The following SYT7 variants were observed in gnomAD, a reference collection of about 807,000 sequenced individuals.
SYT7 encodes synaptotagmin-7.
A neutral mutation model predicts 75.1 loss-of-function variants in SYT7; 29 were observed. That is an observed-to-expected ratio of 0.39 (90% CI 0.29 to 0.53). The LOEUF (loss-of-function observed/expected upper bound fraction) is 0.53, where lower values mean the gene tolerates loss of function less well. SYT7 is among the 20% of genes least tolerant of loss of function. The pLI, the probability that SYT7 is intolerant of heterozygous loss-of-function variation, is 0.77. For synonymous variants in SYT7, 376 were observed against 401.7 expected, an observed-to-expected ratio of 0.94 and a Z score of 0.76; for missense variants, 693 against 953.2, an observed-to-expected ratio of 0.73 and a Z score of 3.59.
At chr11:61,539,281 C>T (rs1388872795) in intron 6 of SYT7, among the ~76,000 whole-genome samples, 3 of 152,064 alleles carry the variant, frequency 2.0e-5, no homozygotes, top group African/African-American at 2.4e-5. Context: ...TGTGGGCAGC[C>T]GTATGAGGCC....
intron 1 of SYT7, among the ~76,000 whole-genome samples, chr11:61,569,702 G>C (rs2063868518): frequency 6.6e-6 from 1 of 152,148 alleles, no homozygotes; most frequent in South Asian, 2.1e-4. Context: ...AAGACTCCAG[G>C]AAAGGGAAGG....
intron 7 of SYT7, chr11:61,533,525 G>T (rs908254923): frequency 3.0e-6 from 3 of 985,442 alleles, no homozygotes; most frequent in South Asian, 9.4e-5. Context: ...CTCCACCGTG[G>T]TGTGGTGTGT....
intron 12 of SYT7, among the ~76,000 whole-genome samples, chr11:61,518,960 C>T (rs947257793): frequency 2.0e-5 from 3 of 152,218 alleles, no homozygotes; most frequent in Non-Finnish European, 2.9e-5. Context: ...CACGCCAGGC[C>T]TCTCGGAATT....
chr11:61,545,995 T>C lies in SYT7; in HGVS notation c.572+36A>G, dbSNP rs754553557. The C allele has an allele frequency of 4.6e-6, 7 of 1,514,538 alleles. No homozygotes were observed. The South Asian group carries it at 8.4e-5, about 18-fold the overall frequency. 93.8% of individuals were successfully genotyped at this position (1,514,538 alleles called of 1,614,324 possible). ...CCACCCTGGCAGGGCAGGCCTGAGC[T>C]CATGGCTCCGGCAGCCATGGGGCGC... On this transcript the variant is annotated intron_variant, in intron 5 of 12. Coordinates refer to ENST00000539008, the MANE Select transcript of SYT7 (RefSeq NM_001365809.2).
In SYT7 at chr11:61,530,189, C is replaced by A. The variant is rs377152103; in HGVS notation, c.1201-2004G>T. ...GTGGGAATGGAACCCAGTTTATCGGCCAGGAATCCTGAGTGCCCTTCCACC... is the reference window on the plus strand; with the variant it reads ...GTGGGAATGGAACCCAGTTTATCGGACAGGAATCCTGAGTGCCCTTCCACC... On this transcript the variant is annotated intron_variant, in intron 8 of 12. Transcript: ENST00000539008. Among the ~76,000 whole-genome samples the A allele has an allele frequency of 4.6e-5, 7 of 152,320 alleles. No homozygotes were observed. The East Asian group carries it at 1.4e-3, about 29-fold the overall frequency.
chr11:61,540,735 A>T (rs2063016357), intron 6 of SYT7: 3 of 985,386 alleles, frequency 3.0e-6, no homozygotes, highest in Non-Finnish European at 3.6e-6. Flanking sequence ...GTGATAAGAC[A>T]GTCTGAGGTG....
chr11:61,547,072 G>A (rs1590891875), intron 4 of SYT7, 105 bp downstream of exon 4: 15 of 1,361,420 alleles, frequency 1.1e-5, no homozygotes, highest in East Asian at 2.5e-5. Context: ...GGAGCGAGAG[G>A]AGAGAGGGAG....
chr11:61,577,941 G>A (rs370945922), intron 1 of SYT7, among the ~76,000 whole-genome samples: 40 of 152,306 alleles, frequency 2.6e-4, no homozygotes, highest in Non-Finnish European at 4.9e-4. Flanking sequence ...GCCTGCTGGG[G>A]CCTGCCTGGC....
chr11:61,516,362 T>C lies in SYT7; in HGVS notation c.*2265A>G, dbSNP rs2062148428. On this transcript the variant is annotated 3_prime_UTR_variant, in exon 13 of 13. Coordinates refer to ENST00000539008, the MANE Select transcript of SYT7 (RefSeq NM_001365809.2). The surrounding 1 kb of genome is among the most constrained non-coding windows in gnomAD (Gnocchi z 4.6). Reference sequence around the variant, plus strand: ...AAGAGACCCCTGCCAGGAGATGCTCTCTGCATAGGATTGGCTAAGAGCTCT... The same window carrying C: ...AAGAGACCCCTGCCAGGAGATGCTCCCTGCATAGGATTGGCTAAGAGCTCT... The C allele has an allele frequency of 6.6e-6, 1 of 152,190 alleles. No individual in the cohort carries two copies. The highest frequency in any genetic ancestry group is 2.4e-5 in the African/African-American group (1 of 41,448). 9.4% of individuals were successfully genotyped at this position (152,190 alleles called of 1,614,324 possible). A position where few individuals can be genotyped will look rare whatever the true frequency, so the allele number is the denominator to read the frequency against.
rs12276617 is a variant in SYT7 at position 61,559,635 on chromosome 11, C to T, written c.32-3428G>A. On this transcript the variant is annotated intron_variant, in intron 1 of 12. Transcript: ENST00000539008. ...TCTGCTCTGATGCCCTCTCCACACT[C>T]CCCCCTCCCCCATACACCTCTTTGC... Among the ~76,000 whole-genome samples the T allele has an allele frequency of 9.6e-3, 1,466 of 152,138 alleles. 25 individuals are homozygous for T. Among genetic ancestry groups the T allele is most frequent in the African/African-American group, 0.034 (1,406 of 41,484 alleles).
chr11:61,519,969 C>T (rs973568135), intron 12 of SYT7, among the ~76,000 whole-genome samples: 7 of 151,944 alleles, frequency 4.6e-5, no homozygotes, highest in South Asian at 2.1e-4. Context: ...TACAGGCGCC[C>T]GCCACCACGC....
chr11:61,552,774 T>C (rs905864837), intron 2 of SYT7, among the ~76,000 whole-genome samples: 5 of 152,224 alleles, frequency 3.3e-5, no homozygotes, highest in African/African-American at 1.2e-4. Flanking sequence ...CAATGCTGCA[T>C]GTTCCCCCGT....
chr11:61,538,037 T>C (rs1429525243), intron 7 of SYT7, 107 bp downstream of exon 7: 4 of 1,460,474 alleles, frequency 2.7e-6, no homozygotes, highest in Non-Finnish European at 3.6e-6. Context: ...CAGCATCCGC[T>C]GAAGGCACCA....
In SYT7 at chr11:61,527,907, A is replaced by G. The variant is rs2062573965; in HGVS notation, c.1471+8T>C. 2 of 1,613,306 alleles carry G rather than the reference A, an allele frequency of 1.2e-6. No homozygotes were observed. The highest frequency in any genetic ancestry group is 1.7e-6 in the Non-Finnish European group (2 of 1,179,376). On this transcript the variant is annotated splice_region_variant and intron_variant, in intron 9 of 12. Transcript: ENST00000539008. ...GACCATGGCGGGGGAAGGTGGCACT[A>G]GACTCACCTTCAAAGAGGAAGGTCT...
chr11:61,556,041 T>G lies in SYT7; in HGVS notation c.135+63A>C, dbSNP rs553440889. 1,410 of 1,369,950 alleles carry G rather than the reference T, an allele frequency of 1.0e-3. 4 individuals are homozygous for G. Among genetic ancestry groups the G allele is most frequent in the African/African-American group, 3.9e-3 (270 of 69,852 alleles). 84.9% of individuals were successfully genotyped at this position (1,369,950 alleles called of 1,614,324 possible). A position where few individuals can be genotyped will look rare whatever the true frequency, so the allele number is the denominator to read the frequency against. ...CCAAGCCTGTAATTGTGTGTGTGTG[T>G]GGGGAGGGGGGGCAGTGTGCAGGGC... is the stretch of plus-strand genomic sequence containing the variant. On this transcript the variant is annotated intron_variant, in intron 2 of 12. Coordinates refer to ENST00000539008, the MANE Select transcript of SYT7 (RefSeq NM_001365809.2).
chr11:61,546,451 C>T lies in SYT7; in HGVS notation c.348-196G>A. 1 of 569,556 alleles carries T rather than the reference C, an allele frequency of 1.8e-6. No homozygotes were observed. 35.3% of individuals were successfully genotyped at this position (569,556 alleles called of 1,614,324 possible). On this transcript the variant is annotated intron_variant, in intron 4 of 12. Transcript: ENST00000539008. This position sits in a 1 kb window ranked among gnomAD's most constrained non-coding sequence, Gnocchi z 7.6. ...AGACAGACAGAGAGAGAGAGAGAGA[C>T]ATCAGCACTGCAAATGGGTTAACAG...
rs1254472142 is a variant in SYT7 at position 61,551,350 on chromosome 11, T to C, written c.215+34A>G. The C allele has an allele frequency of 6.2e-7, 1 of 1,608,052 alleles. No homozygotes were observed. The highest frequency in any genetic ancestry group is 8.5e-7 in the Non-Finnish European group (1 of 1,175,592). Reference sequence around the variant, plus strand: ...GCTCCTCCCACCTGGGCTGCTTGTGTGGCCCCATCCCAAACTAGCAGCCTG... The same window carrying C: ...GCTCCTCCCACCTGGGCTGCTTGTGCGGCCCCATCCCAAACTAGCAGCCTG... On this transcript the variant is annotated intron_variant, in intron 3 of 12. Coordinates refer to ENST00000539008, the MANE Select transcript of SYT7 (RefSeq NM_001365809.2). The surrounding 1 kb of genome is among the most constrained non-coding windows in gnomAD (Gnocchi z 5.3).
At chr11:61,538,527 G>A (rs2062950002) in intron 6 of SYT7, among the ~76,000 whole-genome samples, 1 of 152,110 alleles carries the variant, frequency 6.6e-6, no homozygotes, top group Non-Finnish European at 1.5e-5. Context: ...AGGGAGGGGA[G>A]TTGACTACGG....
Position 61,578,946 on chromosome 11 carries a change from A to T in SYT7, c.31+1844T>A, listed in dbSNP as rs371559585. Among the ~76,000 whole-genome samples, 11 of 152,336 alleles carry T rather than the reference A, an allele frequency of 7.2e-5. No homozygotes were observed. The East Asian group carries it at 7.7e-4, about 11-fold the overall frequency. On this transcript the variant is annotated intron_variant, in intron 1 of 12. Coordinates refer to ENST00000539008, the MANE Select transcript of SYT7 (RefSeq NM_001365809.2). The stretch of plus-strand genomic sequence containing the variant: ...GGTGAGGGAAGAGTTGAGGGCTGCC[A>T]GCACACCAGGGATGGTACTGGACTC...
Sources: gnomAD v4.1 joint callset for allele counts (sites outside exome capture counted in the v4.1 genomes callset) on GRCh38, gnomAD v4.1.1 for gene constraint, Gnocchi (gnomAD v3.1) non-coding constraint, MANE v1.5 for transcripts, NCBI Gene and HGNC (gene_info 2026-07-23, HGNC 2026-07-21) for gene names.